SDK2: variants seen among roughly 807,000 people sequenced by gnomAD.
The protein encoded by SDK2 is sidekick cell adhesion molecule 2.
In SDK2, 105 loss-of-function variants were observed where a neutral mutation model predicts 253.9. The observed-to-expected ratio is 0.41, with a 90% CI of 0.35 to 0.49. The LOEUF (loss-of-function observed/expected upper bound fraction) is 0.49. SDK2 is among the 20% of genes least tolerant of loss of function. SDK2 has a pLI of 0.06. For synonymous variants in SDK2, 1,249 were observed against 1,234.9 expected, an observed-to-expected ratio of 1.01 and a Z score of -0.24; for missense variants, 2,608 against 3,003.0, an observed-to-expected ratio of 0.87 and a Z score of 3.07.
At chr17:73,590,266 G>A (rs1299744907) in intron 1 of SDK2, among the ~76,000 whole-genome samples, 2 of 152,212 alleles carry the variant, frequency 1.3e-5, no homozygotes, top group Non-Finnish European at 2.9e-5. Context: ...CTGTAATCCA[G>A]GCATGTGCTA....
At position 73,467,042 on chromosome 17, in the gene SDK2, C is replaced by T. The variant is rs1326515179; in HGVS notation, c.331+5070G>A. ...AGAACCCTGGAGCTCTGTGTAGGTA[C>T]TTTTCATCTACTCGTCCTGCTGAGA... is the stretch of plus-strand genomic sequence containing the variant. On this transcript the variant is annotated intron_variant, in intron 3 of 44. Coordinates refer to ENST00000392650, the MANE Select transcript of SDK2 (RefSeq NM_001144952.2). The surrounding 1 kb of genome is among the most constrained non-coding windows in gnomAD (Gnocchi z 4.1). 3.3e-5 allele frequency among the ~76,000 whole-genome samples: 5 copies of T among 152,200 alleles called. No homozygotes were observed. The South Asian group carries it at 6.2e-4, about 19-fold the overall frequency.
intron 1 of SDK2, among the ~76,000 whole-genome samples, chr17:73,543,914 G>C (rs958732790): frequency 3.9e-5 from 6 of 152,244 alleles, no homozygotes; most frequent in African/African-American, 1.4e-4. Context: ...CAGTCACTCA[G>C]AGAGAGATGC....
chr17:73,500,364 A>C, intron 2 of SDK2, among the ~76,000 whole-genome samples: 1 of 93,968 alleles, frequency 1.1e-5, no homozygotes, highest in African/African-American at 4.3e-5. Flanking sequence ...ATTCTCCTCC[A>C]TCCTTCTCCA....
Position 73,368,522 on chromosome 17 carries a change from G to A in SDK2, c.5052C>T (p.Ser1684=), listed in dbSNP as rs778089846. The stretch of plus-strand genomic sequence containing the variant: ...AGCCAGTCAAGTTCTTGAGCTTCAC[G>A]CTGTTCTCAGCCAGGAAAAGCGTCT... The part of the protein sequence containing the change: ...RVKTLFLAEN[S]VKLKNLTGYT... Residue 1684 remains serine, a synonymous_variant, in exon 37 of 45, where the codon AGC becomes AGT. Transcript: ENST00000392650. 2.9e-5 allele frequency: 46 copies of A among 1,609,936 alleles called. No individual in the cohort carries two copies. Among genetic ancestry groups the A allele is most frequent in the East Asian group, 2.0e-4 (9 of 44,770 alleles).
Position 73,394,261 on chromosome 17 carries a change from C to T in SDK2, c.3656G>A (p.Arg1219His), listed in dbSNP as rs758597712. ...LATTSSSMLVRWSEVPEADRN... is the reference protein window; with the variant it reads ...LATTSSSMLVHWSEVPEADRN... ...ATCAGCCTCGGGGACCTCGCTCCAG[C>T]GCACCAGCATGCTGCTGGAGGTGGT... is the stretch of plus-strand genomic sequence containing the variant. The change falls in exon 26 of 45, where the codon CGC (arginine) becomes CAC (histidine). Residue 1219 changes from arginine to histidine, a missense_variant. Arg to His is a conservative substitution (Grantham distance 29, BLOSUM62 0). Transcript: ENST00000392650. 2.5e-5 allele frequency: 40 copies of T among 1,602,194 alleles called. No homozygotes were observed. The highest frequency in any genetic ancestry group is 4.0e-5 in the African/African-American group (3 of 74,746).
chr17:73,439,463 G>A (rs573494674), intron 6 of SDK2, among the ~76,000 whole-genome samples: 43 of 152,264 alleles, frequency 2.8e-4, no homozygotes, highest in South Asian at 1.2e-3. Flanking sequence ...GCTCACATCT[G>A]TAACCCCAGC....
chr17:73,444,431 AGGG>A (rs2145638036), intron 5 of SDK2, among the ~76,000 whole-genome samples: 1 of 149,208 alleles, frequency 6.7e-6, no homozygotes, highest in Admixed American at 6.6e-5. Context: ...AGCAAAGAGG[AGGG>A]GTGTCTTCCC....
intron 14 of SDK2, 56 bp downstream of exon 14, chr17:73,423,330 G>A: frequency 7.5e-7 from 1 of 1,326,380 alleles, no homozygotes; most frequent in Non-Finnish European, 9.7e-7. Context: ...GCCCAGGGCT[G>A]ACTCCTAAGT....
intron 2 of SDK2, among the ~76,000 whole-genome samples, chr17:73,484,814 C>T (rs2063759991): frequency 1.3e-5 from 2 of 152,222 alleles, no homozygotes; most frequent in Admixed American, 6.5e-5. Flanking sequence ...GGTTTCTCTC[C>T]TCCCCCACTT....
intron 1 of SDK2, among the ~76,000 whole-genome samples, chr17:73,553,032 C>G (rs778610603): frequency 1.3e-5 from 2 of 152,242 alleles, no homozygotes; most frequent in Non-Finnish European, 2.9e-5. Flanking sequence ...CCAGGTAGGG[C>G]AGACGGCTGC....
rs1375080302 is a variant in SDK2 at position 73,416,736 on chromosome 17, T to G, written c.2187-744A>C. Among the ~76,000 whole-genome samples, 3 of 151,906 alleles carry G rather than the reference T, an allele frequency of 2.0e-5. No individual in the cohort carries two copies. The East Asian group carries it at 5.9e-4, about 30-fold the overall frequency. ...TCCCAAGTAGCTGGGACTACAGGCATGCGCTCCCATGCCTGGCTTATTTTT... is the reference window on the plus strand; with the variant it reads ...TCCCAAGTAGCTGGGACTACAGGCAGGCGCTCCCATGCCTGGCTTATTTTT... On this transcript the variant is annotated intron_variant, in intron 16 of 44. Transcript: ENST00000392650.
intron 5 of SDK2, among the ~76,000 whole-genome samples, chr17:73,441,628 G>A (rs2063416843): frequency 6.6e-6 from 1 of 152,164 alleles, no homozygotes; most frequent in Non-Finnish European, 1.5e-5. Flanking sequence ...GCCAGGAAGG[G>A]GCAAGAAATG....
intron 1 of SDK2, among the ~76,000 whole-genome samples, chr17:73,537,122 C>T (rs140201463): frequency 6.6e-6 from 1 of 152,064 alleles, no homozygotes. Flanking sequence ...CGTGCGTGTG[C>T]GGGCGCGCAT....
intron 44 of SDK2, among the ~76,000 whole-genome samples, chr17:73,339,213 G>GTTTTTTTTGTTTTTTTTTTTTTTT (rs1568356151): frequency 1.6e-5 from 2 of 127,608 alleles, no homozygotes; most frequent in Non-Finnish European, 1.7e-5. Flanking sequence ...GAAGACCTGA[G>GTTTTTTTTGTTTTTTTTTTTTTTT]TTTTTTTTTG....
At chr17:73,529,023 T>G (rs2064148545) in intron 1 of SDK2, among the ~76,000 whole-genome samples, 1 of 152,246 alleles carries the variant, frequency 6.6e-6, no homozygotes, top group South Asian at 2.1e-4. Flanking sequence ...TTGCCCCCTC[T>G]TCTGTCTTTC....
chr17:73,420,652 G>C (rs534395979), intron 15 of SDK2, among the ~76,000 whole-genome samples: 3 of 151,192 alleles, frequency 2.0e-5, no homozygotes, highest in East Asian at 4.0e-4. Context: ...TTTTGTAGAG[G>C]CTGGGGTAAG....
At chr17:73,382,939 G>A (rs1478002117) in intron 33 of SDK2, among the ~76,000 whole-genome samples, 1 of 152,220 alleles carries the variant, frequency 6.6e-6, no homozygotes. Context: ...TGAGACACAA[G>A]AGTCACTTGA....
intron 1 of SDK2, among the ~76,000 whole-genome samples, chr17:73,600,144 C>T (rs1254966094): frequency 6.6e-6 from 1 of 152,206 alleles, no homozygotes; most frequent in Non-Finnish European, 1.5e-5. Context: ...CCCAGGTGGC[C>T]TGAGCCCGGG....
At position 73,431,475 on chromosome 17, in the gene SDK2, T is replaced by C. The variant is rs1798920704; in HGVS notation, c.1480+27A>G. 1.9e-6 allele frequency: 3 copies of C among 1,598,042 alleles called. No individual in the cohort carries two copies. Among genetic ancestry groups the C allele is most frequent in the Non-Finnish European group, 1.7e-6 (2 of 1,172,592 alleles). On this transcript the variant is annotated intron_variant, in intron 11 of 44. Transcript: ENST00000392650. The surrounding 1 kb of genome is among the most constrained non-coding windows in gnomAD (Gnocchi z 5.6). ...ATGTACACACGCACACACAAATGTA[T>C]AAAGCCCTGTGGCTCTGCACACTCA...
Sources: gnomAD v4.1 joint callset for allele counts (sites outside exome capture counted in the v4.1 genomes callset) on GRCh38, gnomAD v4.1.1 for gene constraint, Gnocchi (gnomAD v3.1) non-coding constraint, MANE v1.5 for transcripts, NCBI Gene and HGNC (gene_info 2026-07-23, HGNC 2026-07-21) for gene names.